The following ZFPM2 variants were observed in gnomAD, a reference collection of about 807,000 sequenced individuals.
The protein encoded by ZFPM2 is zinc finger protein ZFPM2.
ZFPM2 carries 20 observed loss-of-function variants against 98.6 expected under a neutral mutation model. That is an observed-to-expected ratio of 0.20 (90% CI 0.14 to 0.29). ZFPM2 has a LOEUF of 0.29. ZFPM2 is among the 10% of genes least tolerant of loss of function. The pLI is 1.00. For missense variants in ZFPM2, 1,310 were observed against 1,388.6 expected (o/e 0.94, Z 0.90); for synonymous variants, 518 against 502.7 (o/e 1.03, Z -0.41).
chr8:105,721,747 T>C (rs1432608535), intron 5 of ZFPM2, among the ~76,000 whole-genome samples: 2 of 151,962 alleles, frequency 1.3e-5, no homozygotes, highest in African/African-American at 4.8e-5. Context: ...AATTATCAGC[T>C]AGATAGTAAC....
chr8:105,634,104 T>A, intron 4 of ZFPM2, 142 bp from the exon 5 acceptor site: 3 of 610,816 alleles, frequency 4.9e-6, no homozygotes, highest in Non-Finnish European at 8.6e-6. Flanking sequence ...TAAAAAGATA[T>A]CATGAGACAG....
At chr8:105,740,240 C>A (rs1812180624) in intron 5 of ZFPM2, among the ~76,000 whole-genome samples, 1 of 151,876 alleles carries the variant, frequency 6.6e-6, no homozygotes, top group African/African-American at 2.4e-5. Context: ...AATTCTCTTC[C>A]TTCTCTCCTA....
chr8:105,680,614 A>G (rs1332810789), intron 5 of ZFPM2, among the ~76,000 whole-genome samples: 3 of 152,286 alleles, frequency 2.0e-5, no homozygotes, highest in Admixed American at 2.0e-4. Flanking sequence ...ATGTGATAAA[A>G]GAAAAAAGAG....
Position 105,691,537 on chromosome 8 carries a change from C to T in ZFPM2, c.532+57180C>T, listed in dbSNP as rs1262296690. 5.7e-5 allele frequency among the ~76,000 whole-genome samples: 7 copies of T among 122,230 alleles called. 1 individual carries two copies. Among genetic ancestry groups the T allele is most frequent in the Non-Finnish European group, 1.2e-4 (7 of 56,724 alleles). The allele number at this position is 122,230 out of a possible 152,430, so 80.2% of individuals were successfully genotyped here. A position where few individuals can be genotyped will look rare whatever the true frequency, so the allele number is the denominator to read the frequency against. ...TGCTGGGATTACAGGCGTGAGCCAC[C>T]GCGCCCAGCCCCAAAGAGACTTTTT... On this transcript the variant is annotated intron_variant, in intron 5 of 7. Coordinates refer to ENST00000407775, the MANE Select transcript of ZFPM2 (RefSeq NM_012082.4).
At chr8:105,525,681 AATAGGC>A (rs1814159888) in intron 3 of ZFPM2, among the ~76,000 whole-genome samples, 1 of 152,210 alleles carries the variant, frequency 6.6e-6, no homozygotes, top group South Asian at 2.1e-4. Flanking sequence ...TTTTAATGAA[AATAGGC>A]ATAGCATGTA....
chr8:105,621,319 T>C (rs1816539433), intron 4 of ZFPM2, among the ~76,000 whole-genome samples: 1 of 152,182 alleles, frequency 6.6e-6, no homozygotes, highest in Non-Finnish European at 1.5e-5. Context: ...CATGATTGGC[T>C]CTCTGTTTGT....
Position 105,641,124 on chromosome 8 carries a change from CCAAA to C in ZFPM2, c.532+6773_532+6776del, listed in dbSNP as rs1332816578. Among the ~76,000 whole-genome samples the C allele has an allele frequency of 3.9e-5, 6 of 152,040 alleles. No homozygotes were observed. The South Asian group carries it at 8.3e-4, about 21-fold the overall frequency. On this transcript the variant is annotated intron_variant, in intron 5 of 7. Transcript: ENST00000407775. ...GTGGAATTGTACAACTGGATAATAA[CCAAA>C]CAAACTGACACAATGTAAAATTACA...
chr8:105,680,805 C>T (rs144462401), intron 5 of ZFPM2, among the ~76,000 whole-genome samples: 5 of 151,992 alleles, frequency 3.3e-5, no homozygotes, highest in South Asian at 2.1e-4. Flanking sequence ...TAAAATGCTT[C>T]ATGAAACCAT....
Position 105,769,235 on chromosome 8 carries a change from A to T in ZFPM2, c.533-19483A>T, listed in dbSNP as rs568077196. ...GAAACACCCATTATCTTACATTTAT[A>T]TGAAAATAAAAGTAGACCTCTTGCA... On this transcript the variant is annotated intron_variant, in intron 5 of 7. Coordinates refer to ENST00000407775, the MANE Select transcript of ZFPM2 (RefSeq NM_012082.4). 3.9e-5 allele frequency among the ~76,000 whole-genome samples: 6 copies of T among 152,154 alleles called. 1 individual carries two copies. The East Asian group carries it at 1.2e-3, about 29-fold the overall frequency.
chr8:105,598,705 A>G (rs1005792175), intron 4 of ZFPM2, among the ~76,000 whole-genome samples: 12 of 152,110 alleles, frequency 7.9e-5, no homozygotes, highest in Admixed American at 1.3e-4. Flanking sequence ...CATTTCCCTC[A>G]TAAAAAAATC....
intron 5 of ZFPM2, among the ~76,000 whole-genome samples, chr8:105,743,187 G>A (rs577084668): frequency 1.3e-5 from 2 of 152,092 alleles, no homozygotes; most frequent in East Asian, 3.9e-4. Flanking sequence ...GAGAGTAACA[G>A]CTAGTGGGGC....
chr8:105,494,829 T>C (rs566831222), intron 3 of ZFPM2, among the ~76,000 whole-genome samples: 1 of 152,318 alleles, frequency 6.6e-6, no homozygotes, highest in Admixed American at 6.5e-5. Context: ...GCAAATATTT[T>C]AGGTTTTTAG....
In ZFPM2 at chr8:105,803,301, C is replaced by T; in HGVS notation, c.3219C>T (p.His1073=). The change falls in exon 8 of 8, where the codon CAC becomes CAT. Residue 1073 remains histidine, a synonymous_variant. Coordinates refer to ENST00000407775, the MANE Select transcript of ZFPM2 (RefSeq NM_012082.4). Reference sequence around the variant, plus strand: ...AGAATCCTCAGCACGAAGACGACCACAAATCTCCCTCGTGGATCTCTGAGA... The same window carrying T: ...AGAATCCTCAGCACGAAGACGACCATAAATCTCCCTCGTGGATCTCTGAGA... ...ISQNPQHEDD[H]KSPSWISENP... 1.3e-6 allele frequency: 2 copies of T among 1,595,256 alleles called. No homozygotes were observed. The highest frequency in any genetic ancestry group is 1.7e-6 in the Non-Finnish European group (2 of 1,170,346).
chr8:105,607,179 G>A (rs1816213677), intron 4 of ZFPM2, among the ~76,000 whole-genome samples: 1 of 152,150 alleles, frequency 6.6e-6, no homozygotes. Context: ...CTTACAAATA[G>A]GTAACACCTT....
At chr8:105,734,790 C>T (rs1297519960) in intron 5 of ZFPM2, among the ~76,000 whole-genome samples, 1 of 151,744 alleles carries the variant, frequency 6.6e-6, no homozygotes, top group Admixed American at 6.6e-5. Context: ...TGCAAGCTAC[C>T]TCTTTTATAG....
intron 5 of ZFPM2, among the ~76,000 whole-genome samples, chr8:105,672,720 T>C (rs775658150): frequency 7.9e-5 from 12 of 152,154 alleles, no homozygotes; most frequent in Non-Finnish European, 8.8e-5. Flanking sequence ...GACTAAACTT[T>C]TAAAATCACA....
Position 105,478,669 on chromosome 8 carries a change from A to C in ZFPM2, c.301+34288A>C, listed in dbSNP as rs571863840. Reference sequence around the variant, plus strand: ...TAGTACTGGGAAGTACCTTAGAGACACAGAGAACTATAGATTTGCAAGTCT... The same window carrying C: ...TAGTACTGGGAAGTACCTTAGAGACCCAGAGAACTATAGATTTGCAAGTCT... On this transcript the variant is annotated intron_variant, in intron 3 of 7. Coordinates refer to ENST00000407775, the MANE Select transcript of ZFPM2 (RefSeq NM_012082.4). Among the ~76,000 whole-genome samples the C allele has an allele frequency of 6.6e-5, 10 of 152,340 alleles. No individual in the cohort carries two copies. The South Asian group carries it at 8.3e-4, about 13-fold the overall frequency.
At chr8:105,788,960 G>GTGA in intron 6 of ZFPM2, 36 bp downstream of exon 6, 1 of 1,522,230 alleles carries the variant, frequency 6.6e-7, no homozygotes, top group African/African-American at 1.4e-5. Flanking sequence ...AGCTTTAGAG[G>GTGA]TGATGGGAAT....
intron 3 of ZFPM2, among the ~76,000 whole-genome samples, chr8:105,500,896 T>G (rs1813579684): frequency 6.6e-6 from 1 of 152,174 alleles, no homozygotes; most frequent in African/African-American, 2.4e-5. Context: ...CCATAAAGGT[T>G]ATTGAAATTG....
Sources: gnomAD v4.1 joint callset for allele counts (sites outside exome capture counted in the v4.1 genomes callset) on GRCh38, gnomAD v4.1.1 for gene constraint, MANE v1.5 for transcripts, NCBI Gene and HGNC (gene_info 2026-07-23, HGNC 2026-07-21) for gene names.